TMEFF2: variants seen among roughly 807,000 people sequenced by gnomAD.
TMEFF2 encodes the protein tomoregulin-2.
In TMEFF2, 28 loss-of-function variants were observed where a neutral mutation model predicts 53.8. The observed-to-expected ratio is 0.52, with a 90% CI of 0.39 to 0.71. TMEFF2 has a LOEUF of 0.71. Ranked by LOEUF, TMEFF2 falls within the 30% of genes least tolerant of loss-of-function variation. TMEFF2 has a pLI of 0.00. For synonymous variants in TMEFF2, 162 were observed against 166.3 expected (o/e 0.97, Z 0.20); for missense variants, 353 against 455.2 (o/e 0.78, Z 2.04).
At chr2:192,179,759 T>C (rs1691140655) in intron 3 of TMEFF2, 65 bp from the exon 4 acceptor site, 7 of 1,435,230 alleles carry the variant, frequency 4.9e-6, no homozygotes, top group Non-Finnish European at 6.5e-6. Flanking sequence ...CTTTTTAAGC[T>C]CAAGTTTATT....
rs373156813 is a variant in TMEFF2, at chr2:192,027,521, T to C, written c.537-28313A>G. ...AACAAGTCAAAACAGAAAGATGATG[T>C]TGGATGTGGCAGCAACATCTAAAAT... On this transcript the variant is annotated intron_variant, in intron 5 of 9. Transcript: ENST00000272771. Among the ~76,000 whole-genome samples the C allele has an allele frequency of 3.3e-5, 5 of 152,282 alleles. No individual in the cohort carries two copies. The East Asian group carries it at 9.6e-4, about 29-fold the overall frequency.
chr2:192,115,344 T>A (rs949330534), intron 4 of TMEFF2, among the ~76,000 whole-genome samples: 1 of 151,942 alleles, frequency 6.6e-6, no homozygotes, highest in African/African-American at 2.4e-5. Context: ...GATTAAAGAC[T>A]TAGACATAAG....
intron 4 of TMEFF2, among the ~76,000 whole-genome samples, chr2:192,083,390 C>G (rs1688598520): frequency 6.6e-6 from 1 of 152,000 alleles, no homozygotes; most frequent in African/African-American, 2.4e-5. Flanking sequence ...AGTATAGAGG[C>G]CAAACCTCCA....
intron 7 of TMEFF2, among the ~76,000 whole-genome samples, chr2:191,965,757 C>T (rs1299232220): frequency 6.6e-6 from 1 of 152,140 alleles, no homozygotes; most frequent in South Asian, 2.1e-4. Context: ...CCTTCCTTTT[C>T]GTTTACCAAA....
chr2:191,957,158 T>G (rs574938652), intron 7 of TMEFF2, among the ~76,000 whole-genome samples: 1 of 152,330 alleles, frequency 6.6e-6, no homozygotes, highest in South Asian at 2.1e-4. Flanking sequence ...TTGCCATGTT[T>G]TCATAGATAT....
In TMEFF2 at chr2:192,007,554, C is replaced by CA. The variant is rs1222676069; in HGVS notation, c.537-8347_537-8346insT. On this transcript the variant is annotated intron_variant, in intron 5 of 9. Coordinates refer to ENST00000272771, the MANE Select transcript of TMEFF2 (RefSeq NM_016192.4). ...TGTGCTGGGAGGATCACAGATCAGT[C>CA]TGATTAGAATGAACTCTTCCCATCC... is the stretch of plus-strand genomic sequence containing the variant. Among the ~76,000 whole-genome samples, 3 of 152,256 alleles carry CA rather than the reference C, an allele frequency of 2.0e-5. No individual in the cohort carries two copies. The East Asian group carries it at 5.8e-4, about 29-fold the overall frequency.
intron 5 of TMEFF2, among the ~76,000 whole-genome samples, chr2:192,057,286 G>A (rs751352670): frequency 5.9e-5 from 9 of 152,062 alleles, no homozygotes; most frequent in South Asian, 2.1e-4. Flanking sequence ...GGCCTCAAGC[G>A]ATCCTCCTGC....
chr2:192,120,154 G>A (rs1056724452), intron 4 of TMEFF2, among the ~76,000 whole-genome samples: 2 of 152,114 alleles, frequency 1.3e-5, no homozygotes, highest in Non-Finnish European at 2.9e-5. Flanking sequence ...ACAAACCACA[G>A]CCCTGCTAAA....
At chr2:192,000,125 G>A (rs1686320957) in intron 5 of TMEFF2, among the ~76,000 whole-genome samples, 1 of 151,916 alleles carries the variant, frequency 6.6e-6, no homozygotes, top group African/African-American at 2.4e-5. Flanking sequence ...TGAATATTGT[G>A]TCTTGTGTGT....
chr2:192,091,681 AAGATT>A (rs1279740179), intron 4 of TMEFF2, among the ~76,000 whole-genome samples: 1 of 152,008 alleles, frequency 6.6e-6, no homozygotes, highest in Non-Finnish European at 1.5e-5. Flanking sequence ...TATGGGCAGT[AAGATT>A]AGTTTTTTTT....
At chr2:192,019,556 A>C (rs1418064077) in intron 5 of TMEFF2, among the ~76,000 whole-genome samples, 1 of 152,066 alleles carries the variant, frequency 6.6e-6, no homozygotes, top group Admixed American at 6.6e-5. Context: ...AATAGCTTTG[A>C]AAATTTGTTT....
At chr2:192,154,948 T>C (rs954335143) in intron 4 of TMEFF2, among the ~76,000 whole-genome samples, 3 of 151,944 alleles carry the variant, frequency 2.0e-5, no homozygotes, top group Non-Finnish European at 4.4e-5. Flanking sequence ...TCTCCTTCTA[T>C]AAAACTTATA....
chr2:192,189,064 G>A (rs142459373), intron 2 of TMEFF2, among the ~76,000 whole-genome samples: 122 of 152,102 alleles, frequency 8.0e-4, no homozygotes, highest in Non-Finnish European at 1.2e-3. Context: ...TTATCTCACC[G>A]GGTTGTGAGA....
intron 4 of TMEFF2, among the ~76,000 whole-genome samples, chr2:192,112,143 A>G (rs1346155564): frequency 1.3e-5 from 2 of 152,164 alleles, no homozygotes; most frequent in African/African-American, 4.8e-5. Context: ...GAAGAAGACC[A>G]TCATCCTCCA....
At chr2:192,035,267 GAA>G (rs1287605922) in intron 5 of TMEFF2, 1 of 152,172 alleles carries the variant, frequency 6.6e-6, no homozygotes, top group Non-Finnish European at 1.5e-5. Flanking sequence ...TCAGAAAGAG[GAA>G]AGTTTGCAGA....
At chr2:191,996,864 T>TCCTCACCCC (rs1284326125) in intron 7 of TMEFF2, among the ~76,000 whole-genome samples, 1 of 151,970 alleles carries the variant, frequency 6.6e-6, no homozygotes, top group Non-Finnish European at 1.5e-5. Context: ...CAGGGCTGGG[T>TCCTCACCCC]TAGCCACGGG....
chr2:192,051,022 G>A (rs561442664), intron 5 of TMEFF2, among the ~76,000 whole-genome samples: 4 of 152,208 alleles, frequency 2.6e-5, no homozygotes, highest in Admixed American at 6.5e-5. Flanking sequence ...CTACTCTTCA[G>A]TTCCCACTCA....
intron 9 of TMEFF2, among the ~76,000 whole-genome samples, chr2:191,950,830 G>A (rs1431293497): frequency 6.6e-6 from 1 of 152,118 alleles, no homozygotes; most frequent in African/African-American, 2.4e-5. Flanking sequence ...TCAAACCAGA[G>A]AATGAACCAA....
At chr2:192,131,527 A>T (rs1013937126) in intron 4 of TMEFF2, among the ~76,000 whole-genome samples, 15 of 151,534 alleles carry the variant, frequency 9.9e-5, no homozygotes, top group African/African-American at 3.4e-4. Flanking sequence ...CCGACCTCTT[A>T]TCTCTGTGCC....
Sources: allele counts gnomAD v4.1 joint callset (sites outside exome capture counted in the v4.1 genomes callset), GRCh38; gene constraint gnomAD v4.1.1; transcripts MANE v1.5; gene names NCBI Gene and HGNC (gene_info 2026-07-23, HGNC 2026-07-21).